Variants in PHF24 observed in about 807,000 individuals in gnomAD.
PHF24 encodes PHD finger protein 24.
A neutral mutation model predicts 42.6 loss-of-function variants in PHF24; 25 were observed. The observed-to-expected ratio is 0.59, with a 90% CI of 0.43 to 0.82. The LOEUF is 0.82. PHF24 is among the 40% of genes least tolerant of loss of function. PHF24 has a pLI of 0.00. For missense variants in PHF24, 470 were observed against 538.1 expected (o/e 0.87, Z 1.25); for synonymous variants, 185 against 204.8 (o/e 0.90, Z 0.83).
At chr9:34,697,450 G>A in the PHF24 span, among the ~76,000 whole-genome samples, 1 of 152,064 alleles carries the variant, frequency 6.6e-6, no homozygotes, top group African/African-American at 2.4e-5. Flanking sequence ...CTCCCAAGTA[G>A]CTGGGATTAC....
At chr9:34,709,983 C>T in the PHF24 span, 3 of 1,614,056 alleles carry the variant, frequency 1.9e-6, no homozygotes, top group East Asian at 6.7e-5. Flanking sequence ...ATGCAAGGCC[C>T]CTCCCTGCCT....
the PHF24 span, among the ~76,000 whole-genome samples, chr9:34,858,598 G>T: frequency 0.093 from 14,096 of 152,246 alleles, 1,534 homozygotes; most frequent in African/African-American, 0.26. Flanking sequence ...TGTGTCTGTT[G>T]GTGCCAGCCT....
the PHF24 span, chr9:34,832,906 T>G: frequency 6.4e-7 from 1 of 1,551,686 alleles, no homozygotes; most frequent in Non-Finnish European, 8.7e-7. Context: ...TCTCAGACTC[T>G]TTCTCCCCAG....
the PHF24 span, chr9:34,726,313 C>G: frequency 2.0e-6 from 3 of 1,531,846 alleles, no homozygotes; most frequent in African/African-American, 2.8e-5. Context: ...GTCTTGGGAG[C>G]CCCCACCTCT....
At chr9:34,778,573 A>G in the PHF24 span, among the ~76,000 whole-genome samples, 1 of 152,252 alleles carries the variant, frequency 6.6e-6, no homozygotes, top group Non-Finnish European at 1.5e-5. Flanking sequence ...GGAAGATGTA[A>G]CACATATAAA....
chr9:34,727,540 G>A, the PHF24 span, among the ~76,000 whole-genome samples: 1 of 152,204 alleles, frequency 6.6e-6, no homozygotes, highest in East Asian at 1.9e-4. Context: ...ATAGACTCCT[G>A]TCTAAGGAGT....
At chr9:34,878,839 C>G in the PHF24 span, among the ~76,000 whole-genome samples, 108 of 152,316 alleles carry the variant, frequency 7.1e-4, no homozygotes, top group Non-Finnish European at 1.2e-3. Context: ...CTTAAACATC[C>G]CTGTCTGACA....
the PHF24 span, among the ~76,000 whole-genome samples, chr9:34,776,055 T>C: frequency 4.6e-5 from 7 of 152,302 alleles, no homozygotes; most frequent in Non-Finnish European, 8.8e-5. Context: ...TCTGTGGAGA[T>C]AGAAAATAGA....
At chr9:34,767,978 A>G in the PHF24 span, among the ~76,000 whole-genome samples, 4 of 152,196 alleles carry the variant, frequency 2.6e-5, no homozygotes, top group African/African-American at 9.7e-5. Context: ...TGGCTTCCAT[A>G]ATATGCTTAC....
the PHF24 span, among the ~76,000 whole-genome samples, chr9:34,915,781 G>A: frequency 3.3e-5 from 5 of 152,130 alleles, no homozygotes; most frequent in East Asian, 1.9e-4. Flanking sequence ...GATTGGATTC[G>A]TCCTCTTAGG....
At chr9:34,815,013 T>C in the PHF24 span, among the ~76,000 whole-genome samples, 1 of 152,250 alleles carries the variant, frequency 6.6e-6, no homozygotes, top group Non-Finnish European at 1.5e-5. Flanking sequence ...ATTATAGGCT[T>C]GAGCCACCGC....
the PHF24 span, among the ~76,000 whole-genome samples, chr9:34,679,137 T>C: frequency 2.6e-5 from 4 of 152,230 alleles, no homozygotes; most frequent in Admixed American, 2.6e-4. Context: ...GCAAGGACCA[T>C]GGGGAATCCA....
chr9:34,840,126 G>A, the PHF24 span, among the ~76,000 whole-genome samples: 1,059 of 152,184 alleles, frequency 7.0e-3, 7 homozygotes, highest in Middle Eastern at 0.024. Context: ...CCTTGATGGA[G>A]GGCCTTTGCA....
At chr9:34,721,845 C>G in the PHF24 span, among the ~76,000 whole-genome samples, 2 of 152,200 alleles carry the variant, frequency 1.3e-5, no homozygotes, top group African/African-American at 4.8e-5. Flanking sequence ...TGACTGGCAA[C>G]TTTTCATGCA....
the PHF24 span, among the ~76,000 whole-genome samples, chr9:34,856,619 G>T: frequency 3.9e-5 from 6 of 152,220 alleles, no homozygotes; most frequent in Non-Finnish European, 8.8e-5. Flanking sequence ...AGTTAAGGCT[G>T]CAAAACAGCA....
upstream of PHF24, among the ~76,000 whole-genome samples, chr9:34,956,391 C>G (rs1300985501): frequency 6.6e-6 from 1 of 152,174 alleles, no homozygotes; most frequent in Non-Finnish European, 1.5e-5. Flanking sequence ...TCCCGAGTAG[C>G]TGGGACCACA....
At chr9:34,820,023 G>C in the PHF24 span, among the ~76,000 whole-genome samples, 1 of 151,648 alleles carries the variant, frequency 6.6e-6, no homozygotes, top group Non-Finnish European at 1.5e-5. Flanking sequence ...AGTTGAACCT[G>C]TTACCATTCT....
At chr9:34,685,444 G>A in the PHF24 span, among the ~76,000 whole-genome samples, 1 of 152,170 alleles carries the variant, frequency 6.6e-6, no homozygotes, top group Non-Finnish European at 1.5e-5. Flanking sequence ...CCTCTAGGGT[G>A]TGTCTTTGTG....
chr9:34,977,258 A>T lies in PHF24; in HGVS notation c.1010+15A>T. ...TGCAGTGTCAGGTCTGCTCCTTACCAGTCCTGGTCCCCACTCAGCCTCTCC... is the reference window on the plus strand; with the variant it reads ...TGCAGTGTCAGGTCTGCTCCTTACCTGTCCTGGTCCCCACTCAGCCTCTCC... On this transcript the variant is annotated intron_variant, in intron 6 of 7. Coordinates refer to ENST00000242315, the Ensembl canonical transcript of PHF24. The T allele has an allele frequency of 6.3e-7, 1 of 1,574,920 alleles. No homozygotes were observed. The highest frequency in any genetic ancestry group is 2.3e-5 in the East Asian group (1 of 44,274).
Sources: allele counts gnomAD v4.1 joint callset (sites outside exome capture counted in the v4.1 genomes callset), GRCh38; gene constraint gnomAD v4.1.1; transcripts MANE v1.5; gene names NCBI Gene and HGNC (gene_info 2026-07-23, HGNC 2026-07-21).